AUTS2: variants seen among roughly 807,000 people sequenced by gnomAD.
AUTS2 encodes the protein autism susceptibility gene 2 protein.
AUTS2 carries 17 observed loss-of-function variants against 112.4 expected under a neutral mutation model. That is an observed-to-expected ratio of 0.15 (90% CI 0.10 to 0.23). AUTS2 has a LOEUF of 0.23. Among genes scored for constraint, AUTS2 ranks in the 10% least tolerant of loss-of-function variants. The pLI, the probability that AUTS2 is intolerant of heterozygous loss-of-function variation, is 1.00. For missense variants in AUTS2, 1,510 were observed against 1,701.6 expected (o/e 0.89, Z 1.98); for synonymous variants, 751 against 702.7 (o/e 1.07, Z -1.09).
chr7:69,912,392 G>C (rs940706567), intron 2 of AUTS2, among the ~76,000 whole-genome samples: 1 of 152,150 alleles, frequency 6.6e-6, no homozygotes, highest in African/African-American at 2.4e-5. Context: ...TCAGTGGAGG[G>C]TGGGGCTCCT....
chr7:70,277,529 C>CT (rs1254689398), intron 4 of AUTS2, among the ~76,000 whole-genome samples: 1 of 152,090 alleles, frequency 6.6e-6, no homozygotes, highest in African/African-American at 2.4e-5. Context: ...GTCCCTTGCA[C>CT]TCTCCCTTTC....
chr7:70,068,370 G>A (rs1296413468), intron 2 of AUTS2, among the ~76,000 whole-genome samples: 1 of 151,614 alleles, frequency 6.6e-6, no homozygotes, highest in Non-Finnish European at 1.5e-5. Flanking sequence ...ATTTTTAGTG[G>A]AAACGGAGTT....
At position 70,787,312 on chromosome 7, in the gene AUTS2, G is replaced by A. The variant is rs774041686; in HGVS notation, c.2412G>A (p.Pro804=). ...NRLHRTPPSF[P]TPPPWLKPGE... is the part of the protein sequence containing the mutation. ...TGCACCGAACGCCTCCGTCGTTCCCGACCCCTCCGCCCTGGCTGAAGCCAG... is the reference window on the plus strand; with the variant it reads ...TGCACCGAACGCCTCCGTCGTTCCCAACCCCTCCGCCCTGGCTGAAGCCAG... The change falls in exon 18 of 19, where the codon CCG becomes CCA. Residue 804 remains proline (P), a synonymous_variant. Transcript: ENST00000342771. 5 of 1,614,174 alleles carry A rather than the reference G, an allele frequency of 3.1e-6. No homozygotes were observed. The highest frequency in any genetic ancestry group is 1.7e-5 in the Admixed American group (1 of 60,032).
chr7:69,752,229 C>A (rs1204528753), intron 1 of AUTS2, among the ~76,000 whole-genome samples: 2 of 152,222 alleles, frequency 1.3e-5, no homozygotes, highest in Non-Finnish European at 2.9e-5. Flanking sequence ...TGGGCCCTTG[C>A]TCTCTGCAGA....
chr7:70,628,317 T>A (rs1805060477), intron 5 of AUTS2, among the ~76,000 whole-genome samples: 1 of 49,336 alleles, frequency 2.0e-5, no homozygotes, highest in African/African-American at 1.1e-4. Flanking sequence ...TGCAAAACTA[T>A]ATATATATAT....
At chr7:69,847,147 C>T (rs763118046) in intron 1 of AUTS2, among the ~76,000 whole-genome samples, 8 of 152,172 alleles carry the variant, frequency 5.3e-5, no homozygotes, top group Admixed American at 2.0e-4. Flanking sequence ...CTTGTCCTGT[C>T]TTTCAAGCTG....
intron 5 of AUTS2, among the ~76,000 whole-genome samples, chr7:70,676,233 G>A (rs971132342): frequency 6.6e-6 from 1 of 152,146 alleles, no homozygotes; most frequent in Non-Finnish European, 1.5e-5. Context: ...TTGAGGCCAG[G>A]AGTTCGAGAC....
chr7:69,951,401 C>T (rs751827654), intron 2 of AUTS2, among the ~76,000 whole-genome samples: 8 of 151,888 alleles, frequency 5.3e-5, no homozygotes, highest in African/African-American at 9.7e-5. Context: ...ATTTTCTTTT[C>T]GTCAGTTTGT....
intron 1 of AUTS2, among the ~76,000 whole-genome samples, chr7:69,841,669 G>C (rs781423692): frequency 6.6e-6 from 1 of 152,192 alleles, no homozygotes; most frequent in Non-Finnish European, 1.5e-5. Context: ...CAAATTGCTG[G>C]TGGGTATTAC....
intron 4 of AUTS2, among the ~76,000 whole-genome samples, chr7:70,157,806 T>C (rs148406208): frequency 7.8e-4 from 119 of 152,254 alleles, no homozygotes; most frequent in African/African-American, 2.8e-3. Context: ...GGAATATCCA[T>C]GGGGACTTTG....
intron 4 of AUTS2, among the ~76,000 whole-genome samples, chr7:70,135,054 G>A (rs1012945711): frequency 6.6e-6 from 1 of 152,088 alleles, no homozygotes; most frequent in African/African-American, 2.4e-5. Context: ...TGGGTAGTTT[G>A]CCTTTAGGTT....
chr7:69,773,001 G>A (rs1466307853), intron 1 of AUTS2, among the ~76,000 whole-genome samples: 2 of 152,130 alleles, frequency 1.3e-5, no homozygotes, highest in African/African-American at 2.4e-5. Flanking sequence ...GCTTTGCATT[G>A]TATAAAAGAG....
intron 5 of AUTS2, among the ~76,000 whole-genome samples, chr7:70,458,953 C>T (rs1796855971): frequency 6.6e-6 from 1 of 152,196 alleles, no homozygotes; most frequent in Non-Finnish European, 1.5e-5. Context: ...CTGTCGCTCC[C>T]TGCAACTTAC....
At chr7:70,334,973 T>G (rs10229155) in intron 4 of AUTS2, among the ~76,000 whole-genome samples, 44,553 of 151,940 alleles carry the variant, frequency 0.29, 6,845 homozygotes, top group African/African-American at 0.38. Flanking sequence ...CCAAGGTTCC[T>G]GAGATTTTTG....
At chr7:70,709,516 G>T (rs1809930353) in intron 6 of AUTS2, among the ~76,000 whole-genome samples, 3 of 151,998 alleles carry the variant, frequency 2.0e-5, no homozygotes, top group South Asian at 2.1e-4. Context: ...TTGGAGACCA[G>T]CCTGGCCAAC....
At chr7:70,011,310 TTCCTCTCTCCTCTCCTCTCCTCTCCTC>T (rs1799793186) in intron 2 of AUTS2, among the ~76,000 whole-genome samples, 1 of 122,314 alleles carries the variant, frequency 8.2e-6, no homozygotes, top group African/African-American at 3.3e-5. Context: ...CTCCTCTCCT[TTCCTCTCTCCTCTCCTCTCCTCTCCTC>T]TCCTCTCCTC....
chr7:70,790,644 A>G lies in AUTS2; in HGVS notation c.3428A>G (p.His1143Arg), dbSNP rs754611047. 3 of 1,612,710 alleles carry G rather than the reference A, an allele frequency of 1.9e-6. No individual in the cohort carries two copies. The highest frequency in any genetic ancestry group is 4.5e-5 in the East Asian group (2 of 44,780). ...CTGTCTGTGGACCCTCGGCGGGAGC[A>G]CGAGCGGGGAGGCCACCTGGACGAG... ...HPLSVDPRRE[H>R]ERGGHLDERE... is the part of the protein sequence containing the mutation. The change falls in exon 19 of 19, where the codon CAC becomes CGC. Residue 1143 changes from histidine to arginine, a missense_variant. By Grantham distance (29) the His-to-Arg change is conservative (BLOSUM62 0). Coordinates refer to ENST00000342771, the MANE Select transcript of AUTS2 (RefSeq NM_015570.4). The surrounding 1 kb of genome is among the most constrained non-coding windows in gnomAD (Gnocchi z 7.6).
At chr7:69,856,435 C>T (rs1792723227) in intron 1 of AUTS2, among the ~76,000 whole-genome samples, 1 of 152,216 alleles carries the variant, frequency 6.6e-6, no homozygotes, top group Non-Finnish European at 1.5e-5. Context: ...TAAAAATTAA[C>T]ACCTGAACTG....
chr7:69,767,187 T>C (rs1328680441), intron 1 of AUTS2, among the ~76,000 whole-genome samples: 1 of 151,678 alleles, frequency 6.6e-6, no homozygotes, highest in East Asian at 1.9e-4. Context: ...TCATCGTCTT[T>C]TTTTTTTTTT....
Sources: gnomAD v4.1 joint callset for allele counts (sites outside exome capture counted in the v4.1 genomes callset) on GRCh38, gnomAD v4.1.1 for gene constraint, Gnocchi (gnomAD v3.1) non-coding constraint, MANE v1.5 for transcripts, NCBI Gene and HGNC (gene_info 2026-07-23, HGNC 2026-07-21) for gene names.